CER1: variants seen among roughly 807,000 people sequenced by gnomAD.
CER1 encodes the protein cerberus 1, DAN family BMP antagonist.
CER1 carries 10 observed loss-of-function variants against 11.8 expected under a neutral mutation model. That is an observed-to-expected ratio of 0.85 (90% confidence interval 0.52 to 1.44). The LOEUF (loss-of-function observed/expected upper bound fraction) is 1.44, where lower values mean the gene tolerates loss of function less well. Ranked by LOEUF, CER1 falls within the 40% of genes most tolerant of loss-of-function variation. The pLI, the probability that CER1 is intolerant of heterozygous loss-of-function variation, is 0.00. For missense variants in CER1, 431 were observed against 327.0 expected, an observed-to-expected ratio of 1.32 and a Z score of -2.45; for synonymous variants, 141 against 122.3, an observed-to-expected ratio of 1.15 and a Z score of -1.01.
chr9:14,720,369 G>A lies in CER1; in HGVS notation c.525C>T (p.Gly175=). 6.2e-7 allele frequency: 1 copy of A among 1,611,582 alleles called. No individual in the cohort carries two copies. Among genetic ancestry groups the A allele is most frequent in the Non-Finnish European group, 8.5e-7 (1 of 1,178,468 alleles). Reference sequence around the variant, plus strand: ...TGTTCTGAACAACTACTTTTTCACAGCCTTCGTGGGTTATAGTCTAAAAAG... The same window carrying A: ...TGTTCTGAACAACTACTTTTTCACAACCTTCGTGGGTTATAGTCTAAAAAG... ...VPFSQTITHE[G]CEKVVVQNNL... is the part of the protein sequence containing the mutation. The change falls in exon 2 of 2, where the codon GGC becomes GGT. Residue 175 remains glycine (G), a synonymous_variant. Coordinates refer to ENST00000380911, the MANE Select transcript of CER1 (RefSeq NM_005454.3).
intron 1 of CER1, among the ~76,000 whole-genome samples, chr9:14,721,801 G>C (rs749819728): frequency 5.3e-5 from 8 of 152,084 alleles, no homozygotes; most frequent in Non-Finnish European, 8.8e-5. Flanking sequence ...AGGAGTTCTG[G>C]TGATTACTCT....
rs1456133251 is a variant in CER1, at chr9:14,720,378, G to A, written c.516C>T (p.Thr172=). The A allele has an allele frequency of 1.2e-6, 2 of 1,608,032 alleles. No individual in the cohort carries two copies. Among genetic ancestry groups the A allele is most frequent in the African/African-American group, 1.3e-5 (1 of 74,856 alleles). The change falls in exon 2 of 2, where the codon ACC becomes ACT. Residue 172 remains threonine, a synonymous_variant. Transcript: ENST00000380911. ...CRTVPFSQTI[T]HEGCEKVVVQ... is the part of the protein sequence containing the mutation. ...CAACTACTTTTTCACAGCCTTCGTG[G>A]GTTATAGTCTAAAAAGCAAACACAT...
chr9:14,722,532 A>G lies in CER1; in HGVS notation c.141T>C (p.His47=), dbSNP rs202060597. Residue 47 remains histidine, a synonymous_variant, in exon 1 of 2, where the codon CAT becomes CAC. Transcript: ENST00000380911. ...GATCTGGCTTCTCCTCAGCTTCCTC[A>G]TGGTTGCCTGTGGGAAGCTCTCTTT... The part of the protein sequence containing the change: ...RNQRELPTGN[H]EEAEEKPDLF... 3.7e-6 allele frequency: 6 copies of G among 1,614,096 alleles called. No individual in the cohort carries two copies. Among genetic ancestry groups the G allele is most frequent in the East Asian group, 2.2e-5 (1 of 44,876 alleles).
chr9:14,722,612 G>T lies in CER1; in HGVS notation c.61C>A (p.Gln21Lys). ...GAACTCTGATTCTGGCGGCCATCCT[G>T]GTGCCGTGTGGTCTTTCCTAGAGGC... ...LLPLGKTTRH[Q>K]DGRQNQSSLS... Residue 21 changes from glutamine (Q) to lysine (K), a missense_variant, in exon 1 of 2, where the codon CAG becomes AAG. Gln to Lys is a moderately conservative substitution (Grantham distance 53, BLOSUM62 1). Transcript: ENST00000380911. 6.2e-7 allele frequency: 1 copy of T among 1,608,806 alleles called. No homozygotes were observed.
chr9:14,719,695 A>C (rs1839981123), downstream of CER1: 1 of 165,430 alleles, frequency 6.0e-6, no homozygotes, highest in Admixed American at 5.8e-5. Context: ...CACATTAAAG[A>C]AGCCCATTTT....
chr9:14,721,951 A>G (rs1416064575), intron 1 of CER1, among the ~76,000 whole-genome samples: 3 of 152,224 alleles, frequency 2.0e-5, no homozygotes, highest in African/African-American at 7.2e-5. Context: ...CAGTATCATC[A>G]TATCATTCTT....
Position 14,722,278 on chromosome 9 carries a change from T to G in CER1, c.395A>C (p.Lys132Thr), listed in dbSNP as rs1289706834. ...EKSPLREEAK[K>T]FWHHFMFRKT... ...TCTGAACATGAAGTGGTGCCAGAAT[T>G]TCTTGGCTTCTTCCCGAAGAGGAGA... The change falls in exon 1 of 2, where the codon AAA becomes ACA. Residue 132 changes from lysine (K) to threonine (T), a missense_variant. Transcript: ENST00000380911. The G allele has an allele frequency of 1.2e-6, 2 of 1,614,090 alleles. No individual in the cohort carries two copies.
In CER1 at chr9:14,722,690, C is replaced by T. The variant is rs1840032958; in HGVS notation, c.-18G>A. On this transcript the variant is annotated 5_prime_UTR_variant, in exon 1 of 2. Transcript: ENST00000380911. ...AGATGCATGCTGTCAGGGGCCCAAG[C>T]TTCTTTTGTAAATGATGAGGCCCAA... The T allele has an allele frequency of 1.3e-6, 2 of 1,576,818 alleles. No individual in the cohort carries two copies. Among genetic ancestry groups the T allele is most frequent in the Non-Finnish European group, 1.7e-6 (2 of 1,171,802 alleles).
At chr9:14,718,805 A>G (rs1430112243), downstream of CER1, among the ~76,000 whole-genome samples, 1 of 152,198 alleles carries the variant, frequency 6.6e-6, no homozygotes, top group Non-Finnish European at 1.5e-5. Context: ...GAGGTGATTG[A>G]GAGACTTAAA....
chr9:14,722,127 C>A, intron 1 of CER1, 39 bp downstream of exon 1: 1 of 1,582,198 alleles, frequency 6.3e-7, no homozygotes. Flanking sequence ...TCCACTACCA[C>A]CTGCAAACTC....
At chr9:14,718,434 T>C (rs1293137327), downstream of CER1, among the ~76,000 whole-genome samples, 1 of 152,192 alleles carries the variant, frequency 6.6e-6, no homozygotes, top group Non-Finnish European at 1.5e-5. Flanking sequence ...TAGGTTGCCT[T>C]TGACCACCAA....
chr9:14,720,194 T>A lies in CER1; in HGVS notation c.700A>T (p.Met234Leu), dbSNP rs750055893. 4 of 1,614,036 alleles carry A rather than the reference T, an allele frequency of 2.5e-6. No individual in the cohort carries two copies. Among genetic ancestry groups the A allele is most frequent in the Non-Finnish European group, 3.4e-6 (4 of 1,180,038 alleles). Reference sequence around the variant, plus strand: ...TTGCACTGGCACTCCTCCACCAGCATCACCACCTTGATCACGGAGGAAAGT... The same window carrying A: ...TTGCACTGGCACTCCTCCACCAGCAACACCACCTTGATCACGGAGGAAAGT... The part of the protein sequence containing the change: ...TELSSVIKVV[M>L]LVEECQCKVK... The change falls in exon 2 of 2, where the codon ATG becomes TTG. Residue 234 changes from methionine to leucine, a missense_variant. Transcript: ENST00000380911.
At position 14,719,939 on chromosome 9, in the gene CER1, A is replaced by T; in HGVS notation, c.*151T>A. On this transcript the variant is annotated 3_prime_UTR_variant, in exon 2 of 2. Coordinates refer to ENST00000380911, the MANE Select transcript of CER1 (RefSeq NM_005454.3). ...CAAACGTGTACCAATAACTAGACTA[A>T]TATCATTTCCTCTATCGTTCTAATT... is the stretch of plus-strand genomic sequence containing the variant. The T allele has an allele frequency of 1.5e-6, 1 of 680,522 alleles. No homozygotes were observed. 42.2% of individuals were successfully genotyped at this position (680,522 alleles called of 1,614,324 possible).
intron 1 of CER1, among the ~76,000 whole-genome samples, chr9:14,721,894 A>T (rs1415555301): frequency 6.6e-6 from 1 of 152,154 alleles, no homozygotes; most frequent in African/African-American, 2.4e-5. Context: ...AAATAAATAA[A>T]ACAGAGCTCT....
Position 14,720,279 on chromosome 9 carries a change from G to C in CER1, c.615C>G (p.Ser205=), listed in dbSNP as rs781192924. The C allele has an allele frequency of 6.2e-6, 10 of 1,614,028 alleles. No homozygotes were observed. The highest frequency in any genetic ancestry group is 6.8e-6 in the Non-Finnish European group (8 of 1,180,060). ...FPGAAQHSHT[S]CSHCLPAKFT... is the part of the protein sequence containing the mutation. ...ACTTGGCAGGCAAACAGTGAGAGCAGGAGGTATGGGAGTGCTGCGCGGCTC... is the reference window on the plus strand; with the variant it reads ...ACTTGGCAGGCAAACAGTGAGAGCACGAGGTATGGGAGTGCTGCGCGGCTC... Residue 205 remains serine, a synonymous_variant, in exon 2 of 2, where the codon TCC becomes TCG. Coordinates refer to ENST00000380911, the MANE Select transcript of CER1 (RefSeq NM_005454.3).
At chr9:14,717,653 T>C (rs1178009160), downstream of CER1, among the ~76,000 whole-genome samples, 2 of 152,202 alleles carry the variant, frequency 1.3e-5, no homozygotes, top group Non-Finnish European at 2.9e-5. Context: ...GACCTAGAGA[T>C]GATTTCTCTT....
chr9:14,721,926 G>A (rs948657864), intron 1 of CER1, among the ~76,000 whole-genome samples: 2 of 152,144 alleles, frequency 1.3e-5, no homozygotes, highest in African/African-American at 4.8e-5. Context: ...GTGAATGAAT[G>A]ATTACTGATA....
downstream of CER1, among the ~76,000 whole-genome samples, chr9:14,719,561 GCCTTCCTTCCTTCCTTCCTT>G (rs1229695964): frequency 1.6e-4 from 10 of 62,548 alleles, no homozygotes; most frequent in East Asian, 2.4e-3. Context: ...CTGCCTGCCT[GCCTTCCTTCCTTCCTTCCTT>G]CCTTCCTTCC....
At chr9:14,718,618 A>T (rs1048936065), downstream of CER1, among the ~76,000 whole-genome samples, 6 of 149,514 alleles carry the variant, frequency 4.0e-5, no homozygotes, top group East Asian at 1.9e-4. Flanking sequence ...TGATTTATTT[A>T]AAAAAAACAG....
Sources: allele counts gnomAD v4.1 joint callset (sites outside exome capture counted in the v4.1 genomes callset), GRCh38; gene constraint gnomAD v4.1.1; transcripts MANE v1.5; gene names NCBI Gene and HGNC (gene_info 2026-07-23, HGNC 2026-07-21).